The following SGSM1 variants were observed in gnomAD, a reference collection of about 807,000 sequenced individuals.
The protein encoded by SGSM1 is RUN and TBC1 domain containing 2.
A neutral mutation model predicts 133.8 loss-of-function variants in SGSM1; 73 were observed. That is an observed-to-expected ratio of 0.55 (90% CI 0.45 to 0.66). SGSM1 has a LOEUF of 0.66. Among genes scored for constraint, SGSM1 ranks in the 30% least tolerant of loss-of-function variants. The probability of loss-of-function intolerance (pLI) is 0.00; values close to 1 mark genes in which losing one functional copy is unlikely to be tolerated. For synonymous variants in SGSM1, 563 were observed against 573.0 expected (o/e 0.98, Z 0.25); for missense variants, 1,213 against 1,448.1 (o/e 0.84, Z 2.64).
At position 24,924,533 on chromosome 22, in the gene SGSM1, G is replaced by A. The variant is rs1438882838; in HGVS notation, c.*259G>A. The A allele has an allele frequency of 1.8e-5, 9 of 495,826 alleles. No individual in the cohort carries two copies. The highest frequency in any genetic ancestry group is 1.4e-4 in the East Asian group (4 of 28,814). The allele number at this position is 495,826 out of a possible 1,614,324, so 30.7% of individuals were successfully genotyped here. A position where few individuals can be genotyped will look rare whatever the true frequency, so the allele number is the denominator to read the frequency against. On this transcript the variant is annotated 3_prime_UTR_variant, in exon 25 of 25. Transcript: ENST00000400358. ...CTGGCGTTCCTCCCTTGCAGGAGGT[G>A]GAGGTTGTTGGTGGAGGAGGAGCCA... is the stretch of plus-strand genomic sequence containing the variant.
At chr22:24,899,384 T>C (rs931789137) in intron 19 of SGSM1, among the ~76,000 whole-genome samples, 1 of 152,152 alleles carries the variant, frequency 6.6e-6, no homozygotes, top group African/African-American at 2.4e-5. Context: ...GATGTGTCAT[T>C]ATCATTCACA....
chr22:24,820,451 G>C (rs1455300067), intron 2 of SGSM1, among the ~76,000 whole-genome samples: 1 of 152,208 alleles, frequency 6.6e-6, no homozygotes, highest in Non-Finnish European at 1.5e-5. Context: ...CAAGTTAGCG[G>C]TGTTTGCTTC....
chr22:24,807,933 A>G (rs1927508465), intron 2 of SGSM1, among the ~76,000 whole-genome samples: 1 of 141,142 alleles, frequency 7.1e-6, no homozygotes, highest in African/African-American at 2.7e-5. Context: ...GGCATGTCCT[A>G]TTTTGTTTAA....
chr22:24,862,968 C>T (rs11913504), intron 9 of SGSM1, among the ~76,000 whole-genome samples: 5,049 of 152,220 alleles, frequency 0.033, 277 homozygotes, highest in African/African-American at 0.12. Flanking sequence ...TTTCACAGCG[C>T]GAGGACCCTG....
At chr22:24,836,874 C>T (rs919116040) in intron 2 of SGSM1, among the ~76,000 whole-genome samples, 10 of 152,138 alleles carry the variant, frequency 6.6e-5, no homozygotes, top group African/African-American at 1.9e-4. Flanking sequence ...CACGGGTTGC[C>T]GTTTTCACTG....
chr22:24,916,133 C>T (rs1453653694), intron 22 of SGSM1, among the ~76,000 whole-genome samples: 1 of 151,974 alleles, frequency 6.6e-6, no homozygotes, highest in Non-Finnish European at 1.5e-5. Context: ...TTCGTTTATT[C>T]ACAGAGTTAT....
intron 2 of SGSM1, among the ~76,000 whole-genome samples, chr22:24,817,009 G>C (rs1241318382): frequency 1.3e-5 from 2 of 152,202 alleles, no homozygotes; most frequent in African/African-American, 2.4e-5. Flanking sequence ...TTGGTCATGG[G>C]GGGGTGAGGG....
chr22:24,831,223 A>G (rs1278735782), intron 2 of SGSM1, among the ~76,000 whole-genome samples: 1 of 151,604 alleles, frequency 6.6e-6, no homozygotes, highest in Non-Finnish European at 1.5e-5. Context: ...TCTTAGGATC[A>G]ACACCAGGAG....
chr22:24,839,923 A>T lies in SGSM1; in HGVS notation c.64-4974A>T, dbSNP rs1929687295. Among the ~76,000 whole-genome samples the T allele has an allele frequency of 1.1e-4, 15 of 138,596 alleles. No homozygotes were observed. The South Asian group carries it at 3.4e-3, about 31-fold the overall frequency. 90.9% of individuals were successfully genotyped at this position (138,596 alleles called of 152,430 possible). ...TCAGTTTTGTCGATCTTTTGGACAA[A>T]CCATCTCTCTTTTTTTTTTTTTTTT... On this transcript the variant is annotated intron_variant, in intron 2 of 24. Transcript: ENST00000400358.
intron 9 of SGSM1, 141 bp downstream of exon 9, chr22:24,859,981 C>T: frequency 8.3e-7 from 1 of 1,208,524 alleles, no homozygotes. Context: ...GACCACTTGG[C>T]TCAGCCTCCC....
intron 2 of SGSM1, among the ~76,000 whole-genome samples, chr22:24,830,787 G>C (rs1201031536): frequency 1.1e-5 from 1 of 90,356 alleles, no homozygotes; most frequent in Non-Finnish European, 2.5e-5. Context: ...GTTGGGGAAG[G>C]GGGTTAGGAT....
chr22:24,893,388 C>T (rs776641174), intron 16 of SGSM1, 43 bp from the exon 17 acceptor site: 58 of 1,604,488 alleles, frequency 3.6e-5, no homozygotes, highest in Admixed American at 5.1e-5. Context: ...CCCCAGGCGC[C>T]CCTTTGTTGA....
intron 10 of SGSM1, 111 bp from the exon 11 acceptor site, chr22:24,868,265 G>C: frequency 9.1e-6 from 13 of 1,433,968 alleles, no homozygotes; most frequent in Non-Finnish European, 1.0e-5. Context: ...CCTCAGAGCA[G>C]GATCCCTGGG....
Position 24,855,643 on chromosome 22 carries a change from C to A in SGSM1, c.764C>A (p.Thr255Asn), listed in dbSNP as rs759578137. The A allele has an allele frequency of 6.8e-6, 11 of 1,613,958 alleles. No individual in the cohort carries two copies. The South Asian group carries it at 1.2e-4, about 18-fold the overall frequency. ...TCCCTGCATCAGAACTCCCGTGCCACCCTTCTCTATGGCAAAAACAACGTT... is the reference window on the plus strand; with the variant it reads ...TCCCTGCATCAGAACTCCCGTGCCAACCTTCTCTATGGCAAAAACAACGTT... ...VESLHQNSRA[T>N]LLYGKNNVLV... Residue 255 changes from threonine (T) to asparagine (N), a missense_variant, in exon 8 of 25, where the codon ACC (threonine) becomes AAC (asparagine). Transcript: ENST00000400358.
intron 2 of SGSM1, among the ~76,000 whole-genome samples, chr22:24,840,067 C>T (rs1008852495): frequency 4.0e-5 from 6 of 151,632 alleles, no homozygotes; most frequent in East Asian, 2.0e-4. Flanking sequence ...CTCAGCCTCC[C>T]GAGTAGCTGG....
intron 2 of SGSM1, among the ~76,000 whole-genome samples, chr22:24,809,591 CAAG>C (rs911550210): frequency 3.3e-5 from 5 of 152,202 alleles, no homozygotes; most frequent in South Asian, 2.1e-4. Flanking sequence ...TGAGGCAGGT[CAAG>C]AAGAACTTTG....
chr22:24,874,860 G>A (rs1365514868), intron 12 of SGSM1, among the ~76,000 whole-genome samples: 1 of 152,244 alleles, frequency 6.6e-6, no homozygotes, highest in East Asian at 1.9e-4. Context: ...ACTGGTCAGT[G>A]CATCCCTGAG....
At chr22:24,895,891 C>T (rs547373727) in intron 18 of SGSM1, among the ~76,000 whole-genome samples, 18 of 151,956 alleles carry the variant, frequency 1.2e-4, no homozygotes, top group Admixed American at 2.0e-4. Context: ...ACAAAAAATA[C>T]GAAAAAAATC....
Position 24,898,703 on chromosome 22 carries a change from A to C in SGSM1, c.2610+144A>C, listed in dbSNP as rs1180999446. 6.1e-5 allele frequency: 49 copies of C among 799,042 alleles called. No homozygotes were observed. The East Asian group carries it at 1.3e-3, about 21-fold the overall frequency. The allele number at this position is 799,042 out of a possible 1,614,324, so 49.5% of individuals were successfully genotyped here. A position where few individuals can be genotyped will look rare whatever the true frequency, so the allele number is the denominator to read the frequency against. ...TTCCGTCATGGAGGATTCACTGTAG[A>C]AACCCATTTGGGAGAGAAGATAACG... On this transcript the variant is annotated intron_variant, in intron 19 of 24. Transcript: ENST00000400358.
Sources: gnomAD v4.1 joint callset for allele counts (sites outside exome capture counted in the v4.1 genomes callset) on GRCh38, gnomAD v4.1.1 for gene constraint, MANE v1.5 for transcripts, NCBI Gene and HGNC (gene_info 2026-07-23, HGNC 2026-07-21) for gene names.